SERGEF: variants seen among roughly 807,000 people sequenced by gnomAD.
The protein encoded by SERGEF is secretion-regulating guanine nucleotide exchange factor.
A neutral mutation model predicts 50.0 loss-of-function variants in SERGEF; 51 were observed. The ratio of observed to expected loss-of-function variants is 1.02; its 90% CI spans 0.81 to 1.29. SERGEF has a LOEUF of 1.29. Ranked by LOEUF, SERGEF falls within the 50% of genes most tolerant of loss-of-function variation. SERGEF has a pLI of 0.00. For synonymous variants in SERGEF, 205 were observed against 212.4 expected, an observed-to-expected ratio of 0.97 and a Z score of 0.30; for missense variants, 521 against 557.0, an observed-to-expected ratio of 0.94 and a Z score of 0.65.
At chr11:17,978,093 T>G (rs188042956) in intron 8 of SERGEF, among the ~76,000 whole-genome samples, 24 of 152,294 alleles carry the variant, frequency 1.6e-4, no homozygotes, top group Admixed American at 1.5e-3. Flanking sequence ...TATGGTACTT[T>G]ATACAAGCCA....
intron 10 of SERGEF, among the ~76,000 whole-genome samples, chr11:17,873,661 TGGAGGAGGA>T (rs145195114): frequency 2.0e-4 from 29 of 148,146 alleles, no homozygotes; most frequent in South Asian, 4.4e-4. Flanking sequence ...TGGCTCTGCT[TGGAGGAGGA>T]GGAGGAGGAG....
intron 9 of SERGEF, among the ~76,000 whole-genome samples, chr11:17,893,421 C>T (rs766942073): frequency 6.6e-6 from 1 of 152,210 alleles, no homozygotes; most frequent in African/African-American, 2.4e-5. Flanking sequence ...GAACCCAACC[C>T]ATCTCCTAGT....
intron 10 of SERGEF, among the ~76,000 whole-genome samples, chr11:17,847,377 G>A (rs1850634837): frequency 6.6e-6 from 1 of 152,202 alleles, no homozygotes; most frequent in Non-Finnish European, 1.5e-5. Flanking sequence ...GAGGGGCAGT[G>A]AGGGAAATTC....
rs370687126 is a variant in SERGEF at position 17,884,207 on chromosome 11, C to T, written c.1012-5963G>A. 6.6e-6 allele frequency among the ~76,000 whole-genome samples: 1 copy of T among 152,192 alleles called. No homozygotes were observed. Among genetic ancestry groups the T allele is most frequent in the East Asian group, 1.9e-4 (1 of 5,198 alleles). Reference sequence around the variant, plus strand: ...TCAGGTGCTATGGCAACGAGGCGTACGTGCGGAAACACATGATGGCCAGGG... The same window carrying T: ...TCAGGTGCTATGGCAACGAGGCGTATGTGCGGAAACACATGATGGCCAGGG... On this transcript the variant is annotated intron_variant, in intron 9 of 10. Transcript: ENST00000265965. The surrounding 1 kb of genome is among the most constrained non-coding windows in gnomAD (Gnocchi z 4.6).
At chr11:17,967,947 C>T (rs1565218007) in intron 8 of SERGEF, among the ~76,000 whole-genome samples, 1 of 152,240 alleles carries the variant, frequency 6.6e-6, no homozygotes, top group Non-Finnish European at 1.5e-5. Context: ...AATGCTGCTG[C>T]CTCCCTAAAG....
At chr11:17,909,170 AGT>A (rs1851904953) in intron 9 of SERGEF, among the ~76,000 whole-genome samples, 1 of 152,238 alleles carries the variant, frequency 6.6e-6, no homozygotes, top group African/African-American at 2.4e-5. Flanking sequence ...ACCTTGGGCA[AGT>A]CAAGCCATTG....
At chr11:17,832,373 C>T (rs1211197898) in intron 10 of SERGEF, among the ~76,000 whole-genome samples, 1 of 152,198 alleles carries the variant, frequency 6.6e-6, no homozygotes. Context: ...TGCCTTCCGC[C>T]ATGATTGTGA....
chr11:17,793,131 T>C (rs925749858), intron 10 of SERGEF, among the ~76,000 whole-genome samples: 5 of 152,120 alleles, frequency 3.3e-5, no homozygotes, highest in African/African-American at 4.8e-5. Flanking sequence ...GCACCATGCC[T>C]GACACAGTGA....
intron 10 of SERGEF, among the ~76,000 whole-genome samples, chr11:17,857,376 T>C (rs190970509): frequency 6.6e-6 from 1 of 152,308 alleles, no homozygotes; most frequent in African/African-American, 2.4e-5. Context: ...TCTTCTTACA[T>C]TAGATCAGCT....
At chr11:18,012,871 A>C in intron 1 of SERGEF, 80 bp downstream of exon 1, 2 of 1,526,918 alleles carry the variant, frequency 1.3e-6, no homozygotes, top group Non-Finnish European at 1.8e-6. Context: ...CAGCCCCTGA[A>C]CTGCCCACGC....
At chr11:17,958,288 C>T (rs958603260) in intron 9 of SERGEF, among the ~76,000 whole-genome samples, 7 of 152,140 alleles carry the variant, frequency 4.6e-5, no homozygotes, top group Admixed American at 3.9e-4. Context: ...ACAGAAGTCT[C>T]ACTAGCTTAT....
chr11:17,881,602 C>T (rs759126626), intron 9 of SERGEF, among the ~76,000 whole-genome samples: 3 of 152,208 alleles, frequency 2.0e-5, no homozygotes, highest in Admixed American at 1.3e-4. Context: ...AATGGCAATG[C>T]GCCCAAGAGA....
intron 8 of SERGEF, among the ~76,000 whole-genome samples, chr11:17,983,745 G>A (rs75319642): frequency 4.9e-4 from 69 of 140,702 alleles, no homozygotes; most frequent in Non-Finnish European, 4.9e-4. Flanking sequence ...TATGAGAACA[G>A]AAAAAAAAAA....
chr11:17,885,024 G>A (rs1422982316), intron 9 of SERGEF, among the ~76,000 whole-genome samples: 2 of 152,206 alleles, frequency 1.3e-5, no homozygotes, highest in African/African-American at 4.8e-5. Context: ...TCCAAAGCCT[G>A]TAAGCTAACT....
At chr11:17,882,954 T>C (rs2107426) in intron 9 of SERGEF, among the ~76,000 whole-genome samples, 21,634 of 152,152 alleles carry the variant, frequency 0.14, 1,983 homozygotes, top group Middle Eastern at 0.27. Flanking sequence ...TCCAGCTTGC[T>C]GATTGGGGCC....
At chr11:17,901,819 T>C (rs1244335167) in intron 9 of SERGEF, among the ~76,000 whole-genome samples, 2 of 152,246 alleles carry the variant, frequency 1.3e-5, no homozygotes, top group African/African-American at 4.8e-5. Flanking sequence ...TTATCCCTCC[T>C]GCCCTCTTAA....
At chr11:17,959,773 G>A (rs934772311) in intron 8 of SERGEF, 137 bp from the exon 9 acceptor site, 2 of 710,512 alleles carry the variant, frequency 2.8e-6, no homozygotes, top group African/African-American at 3.6e-5. Flanking sequence ...CTGTAAAGAA[G>A]GCACATGCAC....
chr11:18,005,839 T>A (rs1481380403), intron 3 of SERGEF, among the ~76,000 whole-genome samples: 38 of 150,808 alleles, frequency 2.5e-4, no homozygotes, highest in African/African-American at 7.0e-4. Flanking sequence ...CTAACACATT[T>A]AGAAAAAAAA....
At chr11:17,821,915 C>T (rs915422405) in intron 10 of SERGEF, among the ~76,000 whole-genome samples, 1 of 152,178 alleles carries the variant, frequency 6.6e-6, no homozygotes, top group African/African-American at 2.4e-5. Flanking sequence ...CCTCCTTCCA[C>T]ATATTTCAGC....
Sources: gnomAD v4.1 joint callset for allele counts (sites outside exome capture counted in the v4.1 genomes callset) on GRCh38, gnomAD v4.1.1 for gene constraint, Gnocchi (gnomAD v3.1) non-coding constraint, MANE v1.5 for transcripts, NCBI Gene and HGNC (gene_info 2026-07-23, HGNC 2026-07-21) for gene names.